Variants in NEK6 observed in about 807,000 individuals in gnomAD.
NEK6 encodes NIMA related kinase 6, also known as serine/threonine-protein kinase Nek6.
NEK6 carries 27 observed loss-of-function variants against 43.5 expected under a neutral mutation model. That is an observed-to-expected ratio of 0.62 (90% CI 0.46 to 0.86). NEK6 has a LOEUF of 0.86. Among genes scored for constraint, NEK6 ranks in the 40% least tolerant of loss-of-function variants. NEK6 has a pLI of 0.00. For synonymous variants in NEK6, 167 were observed against 164.1 expected, an observed-to-expected ratio of 1.02 and a Z score of -0.14; for missense variants, 318 against 414.4, an observed-to-expected ratio of 0.77 and a Z score of 2.02.
At position 124,352,582 on chromosome 9, in the gene NEK6, T is replaced by G. The variant is rs1455290411; in HGVS notation, c.*1635T>G. The G allele has an allele frequency of 8.3e-6, 1 of 120,172 alleles. No homozygotes were observed. Among genetic ancestry groups the G allele is most frequent in the Non-Finnish European group, 1.8e-5 (1 of 54,774 alleles). The allele number at this position is 120,172 out of a possible 1,614,324, so 7.4% of individuals were successfully genotyped here. On this transcript the variant is annotated 3_prime_UTR_variant, in exon 10 of 10. Coordinates refer to ENST00000320246, the MANE Select transcript of NEK6 (RefSeq NM_014397.6). Reference sequence around the variant, plus strand: ...CCAGGATTTCTTTAAGCTCCCCAAATAATTTTGAAACTCATCATCAGCCGA... The same window carrying G: ...CCAGGATTTCTTTAAGCTCCCCAAAGAATTTTGAAACTCATCATCAGCCGA...
chr9:124,325,595 G>A (rs1002294729), intron 5 of NEK6, among the ~76,000 whole-genome samples: 4 of 152,258 alleles, frequency 2.6e-5, no homozygotes, highest in Non-Finnish European at 4.4e-5. Flanking sequence ...AGCCACCCCC[G>A]TCTCTAGCTG....
chr9:124,318,818 C>T (rs1410067611), intron 4 of NEK6, among the ~76,000 whole-genome samples: 3 of 151,752 alleles, frequency 2.0e-5, no homozygotes, highest in Admixed American at 6.6e-5. Flanking sequence ...ATTACAGGCA[C>T]CCACCATCAT....
chr9:124,315,529 G>A (rs1000298385), intron 4 of NEK6, among the ~76,000 whole-genome samples: 4 of 152,164 alleles, frequency 2.6e-5, no homozygotes, highest in Non-Finnish European at 5.9e-5. Flanking sequence ...AATATCCCTC[G>A]AAAACATTGT....
At chr9:124,340,979 A>T (rs548878361) in intron 8 of NEK6, among the ~76,000 whole-genome samples, 2 of 152,330 alleles carry the variant, frequency 1.3e-5, no homozygotes, top group South Asian at 4.1e-4. Flanking sequence ...CCCTCCCCAC[A>T]TTACAGATTG....
In NEK6 at chr9:124,274,212, C is replaced by T. The variant is rs2150239; in HGVS notation, c.-30+16127C>T. On this transcript the variant is annotated intron_variant, in intron 1 of 9. Transcript: ENST00000320246. ...GAGGACAGAGGCCGCAGGGCCCATC[C>T]AATCTGCTTCCTGCGCATGTCCCGT... Among the ~76,000 whole-genome samples, 767 of 152,376 alleles carry T rather than the reference C, an allele frequency of 5.0e-3. 10 individuals are homozygous for T. Among genetic ancestry groups the T allele is most frequent in the African/African-American group, 0.018 (730 of 41,586 alleles).
At position 124,347,794 on chromosome 9, in the gene NEK6, C is replaced by T. The variant is rs778322409; in HGVS notation, c.803C>T (p.Pro268Leu). ...AAGATCGAGCAGTGTGACTACCCCC[C>T]ACTCCCCGGGGAGCACTACTCCGAG... Reference protein sequence around the residue: ...CQKIEQCDYPPLPGEHYSEKL... With the variant: ...CQKIEQCDYPLLPGEHYSEKL... Residue 268 changes from proline (P) to leucine (L), a missense_variant, in exon 9 of 10, where the codon CCA becomes CTA. Physicochemically the swap from Pro to Leu is moderately conservative, Grantham distance 98. Coordinates refer to ENST00000320246, the MANE Select transcript of NEK6 (RefSeq NM_014397.6). The T allele has an allele frequency of 5.6e-6, 9 of 1,612,706 alleles. No individual in the cohort carries two copies. In the Admixed American group the frequency reaches 1.0e-4, roughly 18 times the overall value.
chr9:124,319,940 C>T (rs948558176), intron 4 of NEK6, among the ~76,000 whole-genome samples: 2 of 152,140 alleles, frequency 1.3e-5, no homozygotes, highest in Non-Finnish European at 2.9e-5. Context: ...GTCTAGTCAC[C>T]CTGTGTAAAT....
At chr9:124,347,890 A>G (rs541637012) in intron 9 of NEK6, 68 bp downstream of exon 9, 54 of 887,206 alleles carry the variant, frequency 6.1e-5, no homozygotes, top group Non-Finnish European at 9.5e-5. Context: ...GGGCCGCTCC[A>G]AAACACCACA....
chr9:124,292,883 G>A, intron 1 of NEK6: 4 of 1,475,544 alleles, frequency 2.7e-6, no homozygotes, highest in Non-Finnish European at 3.6e-6. Flanking sequence ...ACAGCACGGG[G>A]GAGCAGGCTG....
intron 7 of NEK6, among the ~76,000 whole-genome samples, chr9:124,328,160 G>A (rs1403569039): frequency 2.0e-5 from 3 of 152,168 alleles, no homozygotes; most frequent in East Asian, 3.9e-4. Context: ...GTGAAGCAAT[G>A]GCAAGCTTCA....
chr9:124,315,535 A>G (rs1054628687), intron 4 of NEK6, among the ~76,000 whole-genome samples: 1 of 152,298 alleles, frequency 6.6e-6, no homozygotes, highest in African/African-American at 2.4e-5. Flanking sequence ...CCTCGAAAAC[A>G]TTGTTTAAAT....
intron 7 of NEK6, among the ~76,000 whole-genome samples, chr9:124,337,652 A>G (rs755974266): frequency 2.0e-5 from 3 of 152,226 alleles, no homozygotes; most frequent in African/African-American, 4.8e-5. Flanking sequence ...CAGTTTATCA[A>G]TTGATCCAAC....
intron 2 of NEK6, among the ~76,000 whole-genome samples, chr9:124,311,792 C>T (rs1341342891): frequency 6.6e-6 from 1 of 152,200 alleles, no homozygotes; most frequent in African/African-American, 2.4e-5. Flanking sequence ...TGGGTTCAAG[C>T]GATTCTCATG....
At chr9:124,335,897 G>A (rs1378453077) in intron 7 of NEK6, among the ~76,000 whole-genome samples, 2 of 152,206 alleles carry the variant, frequency 1.3e-5, no homozygotes, top group Admixed American at 1.3e-4. Flanking sequence ...ATCGCTTGAG[G>A]CCAGGAGTTT....
At position 124,326,202 on chromosome 9, in the gene NEK6, T is replaced by TCACCCCC; in HGVS notation, c.406-127_406-126insACCCCCC. On this transcript the variant is annotated intron_variant, in intron 5 of 9. Coordinates refer to ENST00000320246, the MANE Select transcript of NEK6 (RefSeq NM_014397.6). This position sits in a 1 kb window ranked among gnomAD's most constrained non-coding sequence, Gnocchi z 4.5. ...GCTTATTGTTTGCTCAGTGGCTCAA[T>TCACCCCC]CCCCCCCCCCCGCCCCTGCCAGGCA... 2 of 124,050 alleles carry TCACCCCC rather than the reference T, an allele frequency of 1.6e-5. No homozygotes were observed. Among genetic ancestry groups the TCACCCCC allele is most frequent in the Admixed American group, 7.2e-5 (1 of 13,890 alleles). The allele number at this position is 124,050 out of a possible 1,614,324, so 7.7% of individuals were successfully genotyped here.
At chr9:124,280,524 A>G (rs1006804403) in intron 1 of NEK6, among the ~76,000 whole-genome samples, 1 of 152,180 alleles carries the variant, frequency 6.6e-6, no homozygotes, top group African/African-American at 2.4e-5. Context: ...GCTCATGCGA[A>G]TGTTTCCCTG....
At chr9:124,328,040 G>A (rs546844189) in intron 7 of NEK6, among the ~76,000 whole-genome samples, 2 of 152,310 alleles carry the variant, frequency 1.3e-5, no homozygotes, top group South Asian at 4.1e-4. Context: ...ATGAAAAGCG[G>A]GCAGGGCCTT....
intron 1 of NEK6, chr9:124,292,847 A>G: frequency 2.1e-6 from 3 of 1,441,838 alleles, no homozygotes; most frequent in Non-Finnish European, 2.7e-6. Flanking sequence ...TCCATGTTCA[A>G]GGAGAAGAAG....
At chr9:124,350,019 G>A (rs1050134492) in intron 9 of NEK6, among the ~76,000 whole-genome samples, 54 of 152,238 alleles carry the variant, frequency 3.5e-4, no homozygotes, top group Non-Finnish European at 1.6e-4. Context: ...CGGGCCTCCA[G>A]AACGTCCCGT....
Sources: allele counts gnomAD v4.1 joint callset (sites outside exome capture counted in the v4.1 genomes callset), GRCh38; gene constraint gnomAD v4.1.1; non-coding constraint Gnocchi (gnomAD v3.1); transcripts MANE v1.5; gene names NCBI Gene and HGNC (gene_info 2026-07-23, HGNC 2026-07-21).